The following CD247 variants were observed in gnomAD, a reference collection of about 807,000 sequenced individuals.
CD247 encodes the protein T-cell surface glycoprotein CD3 zeta chain.
CD247 carries 13 observed loss-of-function variants against 30.0 expected under a neutral mutation model. The observed-to-expected ratio is 0.43, with a 90% CI of 0.28 to 0.69. CD247 has a LOEUF of 0.69. Among genes scored for constraint, CD247 ranks in the 30% least tolerant of loss-of-function variants. The probability of loss-of-function intolerance (pLI) is 0.16; values close to 1 mark genes in which losing one functional copy is unlikely to be tolerated. For missense variants in CD247, 193 were observed against 212.6 expected, an observed-to-expected ratio of 0.91 and a Z score of 0.57; for synonymous variants, 72 against 80.0, an observed-to-expected ratio of 0.90 and a Z score of 0.53.
intron 1 of CD247, among the ~76,000 whole-genome samples, chr1:167,483,012 C>CTTTTT: frequency 7.1e-6 from 1 of 140,626 alleles, no homozygotes; most frequent in African/African-American, 2.6e-5. Flanking sequence ...TTCTTTCTTT[C>CTTTTT]TTTTTTTTTT....
chr1:167,496,766 GGA>G (rs1321569227), intron 1 of CD247, among the ~76,000 whole-genome samples: 1 of 152,202 alleles, frequency 6.6e-6, no homozygotes, highest in Non-Finnish European at 1.5e-5. Flanking sequence ...AGAAGTTTAA[GGA>G]TTGTTCCTAA....
At chr1:167,432,825 G>A (rs965708561) in intron 7 of CD247, among the ~76,000 whole-genome samples, 199 bp downstream of exon 7, 2 of 152,232 alleles carry the variant, frequency 1.3e-5, no homozygotes, top group African/African-American at 2.4e-5. Context: ...CAAGTAATTC[G>A]CTTGAATGGC....
At chr1:167,435,533 G>T in intron 4 of CD247, 99 bp from the exon 5 acceptor site, 1 of 974,154 alleles carries the variant, frequency 1.0e-6, no homozygotes, top group Non-Finnish European at 1.6e-6. Flanking sequence ...GCAGTTTCCT[G>T]GGGCTCTGCC....
At position 167,518,480 on chromosome 1, in the gene CD247, C is replaced by A. The variant is rs775909629; in HGVS notation, c.-15G>T. 2.3e-5 allele frequency: 37 copies of A among 1,613,360 alleles called. No individual in the cohort carries two copies. The Middle Eastern group carries it at 6.6e-4, about 29-fold the overall frequency. On this transcript the variant is annotated 5_prime_UTR_variant, in exon 1 of 8. Coordinates refer to ENST00000362089, the MANE Select transcript of CD247 (RefSeq NM_198053.3). ...TTCCACTTCATCTTGTCCTTTCCCT[C>A]AGAAAGAGGCTGGGAGGCAGAGGCT...
At chr1:167,515,664 C>A (rs1291055752) in intron 1 of CD247, among the ~76,000 whole-genome samples, 6 of 152,206 alleles carry the variant, frequency 3.9e-5, no homozygotes, top group African/African-American at 1.4e-4. Flanking sequence ...CACTATCGGG[C>A]CTACCTCTGC....
chr1:167,476,610 C>T (rs1239749788), intron 1 of CD247, among the ~76,000 whole-genome samples: 1 of 152,062 alleles, frequency 6.6e-6, no homozygotes, highest in African/African-American at 2.4e-5. Flanking sequence ...ATCTCTTGAG[C>T]TGAGAAGTTT....
intron 1 of CD247, among the ~76,000 whole-genome samples, chr1:167,517,413 GC>G (rs1200642836): frequency 6.6e-6 from 1 of 152,232 alleles, no homozygotes; most frequent in Non-Finnish European, 1.5e-5. Flanking sequence ...TTGAAATTCA[GC>G]CTGCCCCACT....
chr1:167,500,115 T>C (rs1654845006), intron 1 of CD247, among the ~76,000 whole-genome samples: 1 of 152,216 alleles, frequency 6.6e-6, no homozygotes, highest in South Asian at 2.1e-4. Flanking sequence ...CTCTATATCT[T>C]GAAATGGAAA....
chr1:167,471,706 G>A (rs904993568), intron 1 of CD247, among the ~76,000 whole-genome samples: 16 of 151,948 alleles, frequency 1.1e-4, no homozygotes, highest in Non-Finnish European at 1.6e-4. Context: ...GGGCTCAAAC[G>A]ATCTTCCAGC....
chr1:167,434,697 TC>T (rs1186156193), intron 5 of CD247: 4 of 431,220 alleles, frequency 9.3e-6, no homozygotes, highest in Non-Finnish European at 1.9e-5. Context: ...CCTTGCTGTG[TC>T]CCCCTACACC....
At chr1:167,504,539 T>C (rs1655039774) in intron 1 of CD247, among the ~76,000 whole-genome samples, 1 of 152,244 alleles carries the variant, frequency 6.6e-6, no homozygotes, top group Non-Finnish European at 1.5e-5. Flanking sequence ...TTGGTTTTAG[T>C]CTTCTCTCCC....
intron 1 of CD247, among the ~76,000 whole-genome samples, chr1:167,473,755 C>T (rs938175688): frequency 5.3e-5 from 8 of 152,216 alleles, no homozygotes; most frequent in African/African-American, 1.9e-4. Flanking sequence ...ACCCCCCAGA[C>T]TTTGAGGAGC....
intron 1 of CD247, among the ~76,000 whole-genome samples, chr1:167,507,841 A>T (rs1296154153): frequency 6.6e-6 from 1 of 152,080 alleles, no homozygotes; most frequent in Non-Finnish European, 1.5e-5. Flanking sequence ...ATCTTAAAAA[A>T]AAAAAAATCC....
At chr1:167,472,273 A>G (rs1434442591) in intron 1 of CD247, among the ~76,000 whole-genome samples, 2 of 152,044 alleles carry the variant, frequency 1.3e-5, no homozygotes, top group Admixed American at 6.5e-5. Flanking sequence ...AAGTCATCAG[A>G]TTTTTGCTTA....
At chr1:167,466,445 ATGT>A (rs1160317839) in intron 1 of CD247, among the ~76,000 whole-genome samples, 1 of 151,990 alleles carries the variant, frequency 6.6e-6, no homozygotes, top group Non-Finnish European at 1.5e-5. Flanking sequence ...TTTAGAACTA[ATGT>A]TGTTGGGGAA....
At chr1:167,492,170 A>C (rs1358758364) in intron 1 of CD247, among the ~76,000 whole-genome samples, 1 of 152,214 alleles carries the variant, frequency 6.6e-6, no homozygotes, top group Non-Finnish European at 1.5e-5. Flanking sequence ...AACAAACAAA[A>C]AACCTGGAGG....
In CD247 at chr1:167,518,433, G is replaced by C. The variant is rs764095402; in HGVS notation, c.33C>G (p.Ile11Met). The C allele has an allele frequency of 2.5e-5, 41 of 1,614,058 alleles. No homozygotes were observed. Among genetic ancestry groups the C allele is most frequent in the African/African-American group, 4.0e-5 (3 of 74,930 alleles). Reference protein sequence around the residue: MKWKALFTAAILQAQLPITEA... With the variant: MKWKALFTAAMLQAQLPITEA... Reference sequence around the variant, plus strand: ...CTGTAATCGGCAACTGTGCCTGCAGGATGGCCGCGGTGAAAAGCGCCTTCC... The same window carrying C: ...CTGTAATCGGCAACTGTGCCTGCAGCATGGCCGCGGTGAAAAGCGCCTTCC... The change falls in exon 1 of 8, where the codon ATC becomes ATG. Residue 11 changes from isoleucine (I) to methionine (M), a missense_variant. By Grantham distance (10) the Ile-to-Met change is conservative. Transcript: ENST00000362089.
intron 1 of CD247, among the ~76,000 whole-genome samples, chr1:167,514,129 T>C (rs765131051): frequency 6.6e-6 from 1 of 151,498 alleles, no homozygotes; most frequent in Non-Finnish European, 1.5e-5. Context: ...ACAATTCTTA[T>C]TTTATTTTAT....
intron 1 of CD247, among the ~76,000 whole-genome samples, chr1:167,497,630 A>G (rs1409933922): frequency 1.3e-5 from 2 of 152,226 alleles, no homozygotes; most frequent in African/African-American, 2.4e-5. Flanking sequence ...AAAATAAGAT[A>G]TAGGATGAGG....
Sources: allele counts gnomAD v4.1 joint callset (sites outside exome capture counted in the v4.1 genomes callset), GRCh38; gene constraint gnomAD v4.1.1; transcripts MANE v1.5; gene names NCBI Gene and HGNC (gene_info 2026-07-23, HGNC 2026-07-21).